The following ART1 variants were observed in gnomAD, a reference collection of about 807,000 sequenced individuals.
ART1 encodes GPI-linked NAD(P)(+)--arginine ADP-ribosyltransferase 1.
In ART1, 29 loss-of-function variants were observed where a neutral mutation model predicts 27.0. The observed-to-expected ratio is 1.08, with a 90% CI of 0.80 to 1.47. The LOEUF is 1.47. Ranked by LOEUF, ART1 falls within the 40% of genes most tolerant of loss-of-function variation. The pLI is 0.00. For missense variants in ART1, 480 were observed against 423.0 expected (o/e 1.13, Z -1.18); for synonymous variants, 201 against 172.2 (o/e 1.17, Z -1.31).
intron 3 of ART1, among the ~76,000 whole-genome samples, chr11:3,661,164 G>C (rs541775622): frequency 3.9e-5 from 6 of 152,250 alleles, no homozygotes; most frequent in African/African-American, 1.4e-4. Flanking sequence ...GTAGACCCTG[G>C]CTCTGATGGC....
intron 1 of ART1, among the ~76,000 whole-genome samples, chr11:3,651,710 A>C (rs926684426): frequency 7.0e-6 from 1 of 141,912 alleles, no homozygotes; most frequent in Non-Finnish European, 1.6e-5. Context: ...ATACTTTCTG[A>C]TCCCCCAGCT....
intron 1 of ART1, among the ~76,000 whole-genome samples, chr11:3,646,435 G>T (rs2077470332): frequency 6.6e-6 from 1 of 152,164 alleles, no homozygotes; most frequent in South Asian, 2.1e-4. Flanking sequence ...ATGGGTGACT[G>T]GGTGAATAAT....
intron 1 of ART1, among the ~76,000 whole-genome samples, chr11:3,653,603 C>A (rs1056753978): frequency 3.9e-5 from 6 of 152,204 alleles, no homozygotes; most frequent in Admixed American, 3.9e-4. Flanking sequence ...CACACAAAGC[C>A]TGTTTGGTGG....
Position 3,659,845 on chromosome 11 carries a change from G to C in ART1, c.326G>C (p.Gly109Ala). The change falls in exon 3 of 5, where the codon GGC becomes GCC. Residue 109 changes from glycine to alanine, a missense_variant. Physicochemically the swap from Gly to Ala is moderately conservative, Grantham distance 60. Coordinates refer to ENST00000250693, the MANE Select transcript of ART1 (RefSeq NM_004314.3). Reference sequence around the variant, plus strand: ...ACCCGTCCATCCCCGCCACCCCTGGGCTTCCGCGATGAGCATGGGGTGGCC... The same window carrying C: ...ACCCGTCCATCCCCGCCACCCCTGGCCTTCCGCGATGAGCATGGGGTGGCC... The part of the protein sequence containing the change: ...SPTRPSPPPL[G>A]FRDEHGVALL... The C allele has an allele frequency of 6.2e-7, 1 of 1,612,380 alleles. No homozygotes were observed. The highest frequency in any genetic ancestry group is 2.2e-5 in the East Asian group (1 of 44,872).
intron 1 of ART1, among the ~76,000 whole-genome samples, chr11:3,649,840 A>G (rs1036926440): frequency 3.3e-5 from 5 of 150,652 alleles, no homozygotes; most frequent in Admixed American, 6.6e-5. Context: ...AATAAGAAAA[A>G]CCCCGCCCAG....
intron 1 of ART1, among the ~76,000 whole-genome samples, chr11:3,656,144 G>T (rs559282307): frequency 6.6e-6 from 1 of 152,032 alleles, no homozygotes; most frequent in Admixed American, 6.5e-5. Context: ...ATGTTGGCCA[G>T]TCTGGTTTCA....
intron 1 of ART1, 139 bp downstream of exon 1, chr11:3,645,318 G>C (rs141448554): frequency 2.0e-5 from 3 of 152,128 alleles, no homozygotes; most frequent in Admixed American, 6.5e-5. Context: ...GGGATACCTA[G>C]GAAGGTTGGG....
At chr11:3,649,163 G>A (rs1269371016) in intron 1 of ART1, among the ~76,000 whole-genome samples, 1 of 151,866 alleles carries the variant, frequency 6.6e-6, no homozygotes. Context: ...CTTCACTACG[G>A]GCAACCTTCC....
chr11:3,663,550 CTAAT>C (rs1252074009), intron 4 of ART1, among the ~76,000 whole-genome samples: 1 of 152,142 alleles, frequency 6.6e-6, no homozygotes, highest in African/African-American at 2.4e-5. Context: ...AACTGGGACT[CTAAT>C]TGGTCTCATC....
In ART1 at chr11:3,654,997, G is replaced by A. The variant is rs537582107; in HGVS notation, c.-52-4165G>A. On this transcript the variant is annotated intron_variant, in intron 1 of 4. Coordinates refer to ENST00000250693, the MANE Select transcript of ART1 (RefSeq NM_004314.3). ...GCTTTTGCTGCATAACTATTTTGCCGTGTGCCACAAAATCTCAGTGGCAAA... is the reference window on the plus strand; with the variant it reads ...GCTTTTGCTGCATAACTATTTTGCCATGTGCCACAAAATCTCAGTGGCAAA... 5.9e-5 allele frequency among the ~76,000 whole-genome samples: 9 copies of A among 152,354 alleles called. No individual in the cohort carries two copies. The South Asian group carries it at 1.4e-3, about 25-fold the overall frequency.
intron 3 of ART1, 130 bp downstream of exon 3, chr11:3,660,493 C>T (rs576698850): frequency 1.9e-6 from 2 of 1,075,324 alleles, no homozygotes; most frequent in East Asian, 2.6e-5. Flanking sequence ...TATCCACCAG[C>T]TCCCAACCCC....
rs201450193 is a variant in ART1, at chr11:3,660,227, T to C, written c.708T>C (p.Pro236=). 1.2e-6 allele frequency: 2 copies of C among 1,613,988 alleles called. No homozygotes were observed. Among genetic ancestry groups the C allele is most frequent in the East Asian group, 2.2e-5 (1 of 44,882 alleles). ...GAPIKGYSFF[P]GEEEVLIPPF... is the part of the protein sequence containing the mutation. ...CTATCAAGGGCTACTCCTTCTTCCC[T>C]GGAGAGGAAGAGGTGCTGATCCCCC... Residue 236 remains proline (P), a synonymous_variant, in exon 3 of 5, where the codon CCT becomes CCC. Coordinates refer to ENST00000250693, the MANE Select transcript of ART1 (RefSeq NM_004314.3).
At position 3,664,105 on chromosome 11, in the gene ART1, C is replaced by A. The variant is rs140449390; in HGVS notation, c.900C>A (p.Ser300Arg). 5 of 1,613,804 alleles carry A rather than the reference C, an allele frequency of 3.1e-6. No homozygotes were observed. The highest frequency in any genetic ancestry group is 3.4e-6 in the Non-Finnish European group (4 of 1,180,002). The change falls in exon 5 of 5, where the codon AGC (serine) becomes AGA (arginine). Residue 300 changes from serine to arginine, a missense_variant. Coordinates refer to ENST00000250693, the MANE Select transcript of ART1 (RefSeq NM_004314.3). ...TTTTCCCTGCAGCCATGGGTCAGAG[C>A]CCCCTCTCTGCAGTCTGGTCTTTGC... ...CHLDNSAMGQ[S>R]PLSAVWSLLL...
intron 4 of ART1, among the ~76,000 whole-genome samples, chr11:3,662,875 C>T (rs2077630039): frequency 6.6e-6 from 1 of 152,096 alleles, no homozygotes; most frequent in Non-Finnish European, 1.5e-5. Flanking sequence ...CAAAAAAAAT[C>T]AAAGGTGCAG....
At chr11:3,653,752 G>T (rs1322085553) in intron 1 of ART1, among the ~76,000 whole-genome samples, 1 of 151,838 alleles carries the variant, frequency 6.6e-6, no homozygotes, top group Non-Finnish European at 1.5e-5. Flanking sequence ...GTCCCCTATA[G>T]CCCATCAGAC....
chr11:3,663,112 A>ATCTCATCTCG (rs1564787083), intron 4 of ART1, among the ~76,000 whole-genome samples: 1 of 131,136 alleles, frequency 7.6e-6, no homozygotes, highest in Non-Finnish European at 1.6e-5. Flanking sequence ...ATCTCATCTC[A>ATCTCATCTCG]TCTCATCTCA....
Position 3,659,807 on chromosome 11 carries a change from G to T in ART1, c.288G>T (p.Trp96Cys). ...WQERQARWPE[W>C]SLSPTRPSPP... ...AGCGTCAGGCCAGGTGGCCAGAGTG[G>T]AGTCTCAGCCCCACCCGTCCATCCC... The change falls in exon 3 of 5, where the codon TGG becomes TGT. Residue 96 changes from tryptophan to cysteine, a missense_variant. Coordinates refer to ENST00000250693, the MANE Select transcript of ART1 (RefSeq NM_004314.3). The T allele has an allele frequency of 6.2e-7, 1 of 1,612,774 alleles. No homozygotes were observed. Among genetic ancestry groups the T allele is most frequent in the Non-Finnish European group, 8.5e-7 (1 of 1,179,644 alleles).
intron 1 of ART1, among the ~76,000 whole-genome samples, chr11:3,649,488 G>A (rs184686437): frequency 2.3e-4 from 35 of 152,034 alleles, no homozygotes; most frequent in African/African-American, 7.7e-4. Flanking sequence ...TTTCCCTCCC[G>A]CCTGTCCCCT....
rs562845826 is a variant in ART1, at chr11:3,658,807, C to T, written c.-52-355C>T. Among the ~76,000 whole-genome samples, 6 of 152,298 alleles carry T rather than the reference C, an allele frequency of 3.9e-5. No homozygotes were observed. In the East Asian group the frequency reaches 7.7e-4, roughly 20 times the overall value. ...GCCCATCTTCCCAACGTTCCTACCCCGCAAGCTCTGCCAGCCTAGATGACA... is the reference window on the plus strand; with the variant it reads ...GCCCATCTTCCCAACGTTCCTACCCTGCAAGCTCTGCCAGCCTAGATGACA... On this transcript the variant is annotated intron_variant, in intron 1 of 4. Transcript: ENST00000250693.
Sources: gnomAD v4.1 joint callset for allele counts (sites outside exome capture counted in the v4.1 genomes callset) on GRCh38, gnomAD v4.1.1 for gene constraint, MANE v1.5 for transcripts, NCBI Gene and HGNC (gene_info 2026-07-23, HGNC 2026-07-21) for gene names.